Variants in BEND6 observed in about 807,000 individuals in gnomAD.
BEND6 encodes the protein BEN domain-containing protein 6.
In BEND6, 24 loss-of-function variants were observed where a neutral mutation model predicts 31.8. The observed-to-expected ratio is 0.75, with a 90% CI of 0.55 to 1.06. BEND6 has a LOEUF of 1.06. Among genes scored for constraint, BEND6 ranks in the 50% least tolerant of loss-of-function variants. BEND6 has a pLI of 0.00. For missense variants in BEND6, 294 were observed against 327.4 expected (o/e 0.90, Z 0.79); for synonymous variants, 109 against 114.6 (o/e 0.95, Z 0.31).
intron 3 of BEND6, among the ~76,000 whole-genome samples, chr6:57,006,350 T>C (rs1827157543): frequency 6.6e-6 from 1 of 152,218 alleles, no homozygotes; most frequent in South Asian, 2.1e-4. Flanking sequence ...CACATACTGA[T>C]TAAAGGCTCT....
At position 57,004,674 on chromosome 6, in the gene BEND6, A is replaced by G. The variant is rs532214835; in HGVS notation, c.299-10459A>G. ...AGTGGGCATTACATTTGGAAAAAAA[A>G]AATGTGAATCAGTCACTACTGGAAC... On this transcript the variant is annotated intron_variant, in intron 3 of 6. Coordinates refer to ENST00000370746, the MANE Select transcript of BEND6 (RefSeq NM_152731.3). 549 of 1,506,514 alleles carry G rather than the reference A, an allele frequency of 3.6e-4. 16 individuals carry two copies. In the South Asian group the frequency reaches 5.3e-3, roughly 15 times the overall value. The allele number at this position is 1,506,514 out of a possible 1,614,324, so 93.3% of individuals were successfully genotyped here.
At chr6:57,009,019 G>A (rs771563396) in intron 3 of BEND6, 5 of 152,128 alleles carry the variant, frequency 3.3e-5, no homozygotes, top group South Asian at 2.1e-4. Flanking sequence ...TGAAATAAGC[G>A]AGGAATAGAA....
chr6:57,012,142 A>G (rs1423725080), intron 3 of BEND6, among the ~76,000 whole-genome samples: 1 of 152,186 alleles, frequency 6.6e-6, no homozygotes, highest in Admixed American at 6.5e-5. Context: ...GTAAATAAAT[A>G]AATAAGTTAC....
intron 5 of BEND6, 97 bp from the exon 6 acceptor site, chr6:57,018,324 A>AG: frequency 7.5e-7 from 1 of 1,334,600 alleles, no homozygotes; most frequent in South Asian, 1.6e-5. Context: ...TGGAAAAAAA[A>AG]TTATAATGTA....
chr6:56,961,035 C>G (rs1417420013), intron 1 of BEND6, among the ~76,000 whole-genome samples: 1 of 152,124 alleles, frequency 6.6e-6, no homozygotes, highest in Non-Finnish European at 1.5e-5. Flanking sequence ...TTCTAGAGAC[C>G]TGAAATTACA....
chr6:56,972,116 A>T (rs1825713429), intron 1 of BEND6, among the ~76,000 whole-genome samples: 1 of 105,962 alleles, frequency 9.4e-6, no homozygotes, highest in Non-Finnish European at 1.8e-5. Flanking sequence ...TTTTTTTGAG[A>T]CAGAGTCTTA....
rs760202330 is a variant in BEND6, at chr6:57,017,349, AC to A, written c.663del (p.Asp221GlufsTer4). The A allele has an allele frequency of 5.7e-6, 8 of 1,406,744 alleles. No homozygotes were observed. The highest frequency in any genetic ancestry group is 5.6e-6 in the Non-Finnish European group (6 of 1,073,922). 87.1% of individuals were successfully genotyped at this position (1,406,744 alleles called of 1,614,324 possible). ...LTGAKSSTSR[D>X]KAVKPAMNQN... The stretch of plus-strand genomic sequence containing the variant: ...GGGGCAAAATCCTCTACTTCAAGGG[AC>A]AAAGCTGTAAAACCAGCTATGAATC... On this transcript the variant is annotated frameshift_variant, in exon 5 of 7. Transcript: ENST00000370746. LOFTEE classifies it high-confidence loss of function.
chr6:57,010,597 G>T, intron 3 of BEND6: 1 of 745,058 alleles, frequency 1.3e-6, no homozygotes, highest in Non-Finnish European at 1.6e-6. Flanking sequence ...GGGGATAAAG[G>T]GGATCAGGGT....
At chr6:56,975,594 C>G in intron 1 of BEND6, 1 of 323,880 alleles carries the variant, frequency 3.1e-6, no homozygotes, top group South Asian at 3.7e-5. Context: ...TATTTCTTCT[C>G]GAAAGCACTC....
intron 1 of BEND6, among the ~76,000 whole-genome samples, chr6:56,961,970 G>A (rs1326766289): frequency 4.6e-5 from 7 of 152,230 alleles, no homozygotes; most frequent in Non-Finnish European, 7.3e-5. Flanking sequence ...AAAAACTCAT[G>A]TAGAAATTAG....
chr6:57,021,151 T>A (rs2127894851), intron 6 of BEND6, among the ~76,000 whole-genome samples: 1 of 152,346 alleles, frequency 6.6e-6, no homozygotes, highest in South Asian at 2.1e-4. Flanking sequence ...TGGAATTTTT[T>A]AAATTTGCAA....
intron 1 of BEND6, among the ~76,000 whole-genome samples, chr6:56,956,503 A>G (rs1231700819): frequency 6.6e-6 from 1 of 152,262 alleles, no homozygotes; most frequent in Non-Finnish European, 1.5e-5. Context: ...CAGATTCATA[A>G]GCATGGAAAA....
At chr6:56,961,025 T>C (rs181082412) in intron 1 of BEND6, among the ~76,000 whole-genome samples, 7 of 152,310 alleles carry the variant, frequency 4.6e-5, no homozygotes, top group African/African-American at 1.7e-4. Flanking sequence ...ATGAGTAGGT[T>C]TCTAGAGACC....
intron 3 of BEND6, 71 bp from the exon 4 acceptor site, chr6:57,015,062 A>G: frequency 7.4e-7 from 1 of 1,345,716 alleles, no homozygotes; most frequent in Non-Finnish European, 1.0e-6. Flanking sequence ...CATACACTCA[A>G]CAAAAAAATA....
At chr6:56,970,441 C>A (rs1387510304) in intron 1 of BEND6, among the ~76,000 whole-genome samples, 1 of 152,168 alleles carries the variant, frequency 6.6e-6, no homozygotes, top group South Asian at 2.1e-4. Flanking sequence ...TCCCAAAGTG[C>A]TAGGATTACA....
intron 3 of BEND6, chr6:57,014,445 A>G: frequency 6.9e-7 from 1 of 1,440,696 alleles, no homozygotes; most frequent in Non-Finnish European, 9.3e-7. Flanking sequence ...CTCCAACAAC[A>G]TGTTATTTGT....
In BEND6 at chr6:57,027,239, T is replaced by A. The variant is rs1827931272; in HGVS notation, c.*1167T>A. ...GACCCAGGAAATTTTCCATAAGTCT[T>A]GCTTGATAACAATGTGATTGTACAA... On this transcript the variant is annotated 3_prime_UTR_variant, in exon 7 of 7. Transcript: ENST00000370746. The A allele has an allele frequency of 6.6e-6, 1 of 152,222 alleles. No individual in the cohort carries two copies. Among genetic ancestry groups the A allele is most frequent in the East Asian group, 1.9e-4 (1 of 5,200 alleles). 9.4% of individuals were successfully genotyped at this position (152,222 alleles called of 1,614,324 possible). A position where few individuals can be genotyped will look rare whatever the true frequency, so the allele number is the denominator to read the frequency against.
intron 1 of BEND6, among the ~76,000 whole-genome samples, chr6:56,978,787 C>T (rs1825974124): frequency 6.6e-6 from 1 of 152,166 alleles, no homozygotes; most frequent in Admixed American, 6.5e-5. Flanking sequence ...GTGAATGAGA[C>T]TGTTGTTCCA....
In BEND6 at chr6:56,992,405, C is replaced by A; in HGVS notation, c.148C>A (p.Leu50Met). 6.2e-7 allele frequency: 1 copy of A among 1,611,370 alleles called. No individual in the cohort carries two copies. ...QRDPYSGNAF[L>M]PGESSSEDEE... ...AGACCCATATTCGGGAAATGCCTTT[C>A]TGCCTGGTGAAAGCTCCAGTGAGGA... Residue 50 changes from leucine (L) to methionine (M), a missense_variant, in exon 3 of 7, where the codon CTG becomes ATG. Transcript: ENST00000370746.
Sources: gnomAD v4.1 joint callset for allele counts (sites outside exome capture counted in the v4.1 genomes callset) on GRCh38, gnomAD v4.1.1 for gene constraint, MANE v1.5 for transcripts, NCBI Gene and HGNC (gene_info 2026-07-23, HGNC 2026-07-21) for gene names.